Variants in SLC9A6 observed in about 807,000 individuals in gnomAD.
SLC9A6 encodes solute carrier family 9 member A6, also known as sodium/hydrogen exchanger 6.
A neutral mutation model predicts 45.3 loss-of-function variants in SLC9A6; 6 were observed. The ratio of observed to expected loss-of-function variants is 0.13; its 90% CI spans 0.07 to 0.26. The LOEUF (loss-of-function observed/expected upper bound fraction) is 0.26. Among genes scored for constraint, SLC9A6 ranks in the 10% least tolerant of loss-of-function variants. The pLI is 1.00. For synonymous variants in SLC9A6, 191 were observed against 187.7 expected (o/e 1.02, Z -0.14); for missense variants, 278 against 503.7 (o/e 0.55, Z 4.29).
chrX:136,035,666 G>A (rs371395817), intron 16 of SLC9A6, among the ~76,000 whole-genome samples: 2 of 111,834 alleles, frequency 1.8e-5, no homozygotes, highest in South Asian at 7.4e-4. Flanking sequence ...GGTGGACATA[G>A]CACTCATTTC....
At chrX:136,027,320 C>T (rs932800233) in intron 13 of SLC9A6, among the ~76,000 whole-genome samples, 2 of 111,496 alleles carry the variant, frequency 1.8e-5, no homozygotes, top group South Asian at 3.8e-4. Context: ...GTCTTACCTA[C>T]GTGACTAGAT....
At position 136,045,276 on chromosome X, in the gene SLC9A6, T is replaced by C. The variant is rs149580711; in HGVS notation, c.*552T>C. The C allele has an allele frequency of 1.0e-4, 12 of 116,733 alleles. No individual in the cohort carries two copies. The East Asian group carries it at 2.9e-3, about 29-fold the overall frequency. 9.6% of individuals were successfully genotyped at this position (116,733 alleles called of 1,213,427 possible). ...GGCATTTGATCTTGCCCCATTCAGG[T>C]TGGGGAGTGAAGTGTGAGGACCCTT... On this transcript the variant is annotated 3_prime_UTR_variant, in exon 18 of 18. Coordinates refer to ENST00000630721, the MANE Select transcript of SLC9A6 (RefSeq NM_001379110.1).
intron 16 of SLC9A6, among the ~76,000 whole-genome samples, chrX:136,034,082 G>A: frequency 9.1e-6 from 1 of 110,078 alleles, no homozygotes; most frequent in Admixed American, 9.7e-5. Context: ...GAGTAGTGTT[G>A]ATATTCTATA....
intron 1 of SLC9A6, among the ~76,000 whole-genome samples, chrX:135,975,889 A>C (rs1046131542): frequency 1.5e-4 from 15 of 102,547 alleles, no homozygotes; most frequent in South Asian, 4.9e-4. Context: ...AAGAAGGAGG[A>C]TTGCTTGATC....
At chrX:136,040,251 G>C (rs886193328) in intron 17 of SLC9A6, 70 bp downstream of exon 17, 2 of 777,951 alleles carry the variant, frequency 2.6e-6, no homozygotes, top group Non-Finnish European at 3.8e-6. Flanking sequence ...ATGAGTCACT[G>C]GTTTTATTTT....
intron 2 of SLC9A6, among the ~76,000 whole-genome samples, chrX:135,988,311 C>A (rs1275471769): frequency 3.6e-5 from 4 of 111,626 alleles, no homozygotes; most frequent in African/African-American, 1.3e-4. Context: ...TTAGCCTGTC[C>A]TATTTTCTCA....
In SLC9A6 at chrX:135,985,724, G is replaced by C; in HGVS notation, c.66G>C (p.Leu22=). 1.7e-6 allele frequency: 2 copies of C among 1,211,798 alleles called. No homozygotes were observed. The highest frequency in any genetic ancestry group is 2.2e-6 in the Non-Finnish European group (2 of 895,488). ...EESHRQDSAN[L]LIFILLLTLT... ...GCCACCGGCAGGACAGCGCCAACCT[G>C]CTCATCTTCATCCTGCTGCTCACCC... is the stretch of plus-strand genomic sequence containing the variant. The change falls in exon 2 of 18, where the codon CTG becomes CTC. Residue 22 remains leucine, a synonymous_variant. Coordinates refer to ENST00000630721, the MANE Select transcript of SLC9A6 (RefSeq NM_001379110.1).
At chrX:136,001,918 G>T (rs1184796318) in intron 6 of SLC9A6, among the ~76,000 whole-genome samples, 190 bp from the exon 7 acceptor site, 13 of 111,976 alleles carry the variant, frequency 1.2e-4, no homozygotes, top group African/African-American at 3.9e-4. Context: ...AGAAGTTTGT[G>T]CAGGTACACA....
chrX:136,040,077 T>A lies in SLC9A6; in HGVS notation c.1663T>A (p.Tyr555Asn). 1.7e-6 allele frequency: 2 copies of A among 1,204,634 alleles called. No homozygotes were observed. Among genetic ancestry groups the A allele is most frequent in the Non-Finnish European group, 2.2e-6 (2 of 889,221 alleles). The stretch of plus-strand genomic sequence containing the variant: ...ACAGCTCTTCCTTAACCACCGCAGC[T>A]ATCTGAAGCCTCTGCTGACCCACAG... Reference protein sequence around the residue: ...FRMWYNFDHNYLKPLLTHSGP... With the variant: ...FRMWYNFDHNNLKPLLTHSGP... The change falls in exon 17 of 18, where the codon TAT becomes AAT. Residue 555 changes from tyrosine to asparagine, a missense_variant and splice_region_variant. Physicochemically the swap from Tyr to Asn is moderately radical, Grantham distance 143. Transcript: ENST00000630721.
chrX:135,980,349 G>C (rs931042274), upstream of SLC9A6, among the ~76,000 whole-genome samples: 10 of 109,221 alleles, frequency 9.2e-5, no homozygotes, highest in Admixed American at 3.0e-4. Context: ...ACCAATACAT[G>C]AATTATTTAA....
At chrX:135,996,023 CTT>C (rs1167208674) in intron 3 of SLC9A6, among the ~76,000 whole-genome samples, 229 of 55,318 alleles carry the variant, frequency 4.1e-3, no homozygotes, top group Middle Eastern at 0.014. Context: ...CAGGACTTGA[CTT>C]TTTTTTTTTT....
chrX:135,977,175 G>T (rs2089266861), intron 1 of SLC9A6, among the ~76,000 whole-genome samples: 1 of 112,147 alleles, frequency 8.9e-6, no homozygotes. Context: ...ATGAGAAAGT[G>T]CATTTAAATT....
intron 13 of SLC9A6, among the ~76,000 whole-genome samples, chrX:136,028,396 G>A: frequency 1.8e-5 from 2 of 111,933 alleles, no homozygotes; most frequent in East Asian, 5.6e-4. Context: ...TAGTTGTGTT[G>A]GTTTCCCCCA....
upstream of SLC9A6, chrX:135,985,109 G>A (rs2089310286): frequency 7.7e-6 from 1 of 129,448 alleles, no homozygotes; most frequent in African/African-American, 3.2e-5. Flanking sequence ...ATCCTGTTAA[G>A]AGACACTGGG....
intron 12 of SLC9A6, among the ~76,000 whole-genome samples, chrX:136,023,165 A>ATGTATATG (rs1306268664): frequency 0.014 from 17 of 1,190 alleles, no homozygotes; most frequent in African/African-American, 0.027. Flanking sequence ...AAGAAAATGT[A>ATGTATATG]TATATATATA....
chrX:136,017,466 G>A (rs1342493892), intron 11 of SLC9A6, among the ~76,000 whole-genome samples: 1 of 109,943 alleles, frequency 9.1e-6, no homozygotes, highest in Non-Finnish European at 1.9e-5. Flanking sequence ...GGAAGAAACT[G>A]AGTATATGAA....
chrX:135,973,899 C>G (rs1569523467), upstream of SLC9A6: 1 of 1,149,990 alleles, frequency 8.7e-7, no homozygotes, highest in Non-Finnish European at 1.2e-6. Flanking sequence ...AACCCACGAA[C>G]CTGCGCTATG....
chrX:136,042,205 C>T (rs935034497), intron 17 of SLC9A6, among the ~76,000 whole-genome samples: 40 of 107,439 alleles, frequency 3.7e-4, no homozygotes, highest in African/African-American at 1.4e-3. Context: ...GACAGAGTCT[C>T]ACTCTGTCAC....
intron 17 of SLC9A6, among the ~76,000 whole-genome samples, chrX:136,042,254 A>T (rs1556622766): frequency 9.2e-6 from 1 of 108,876 alleles, no homozygotes; most frequent in African/African-American, 3.4e-5. Context: ...GGCTCACTGC[A>T]ACCTCTACCT....
Sources: gnomAD v4.1 joint callset for allele counts (sites outside exome capture counted in the v4.1 genomes callset) on GRCh38, gnomAD v4.1.1 for gene constraint, MANE v1.5 for transcripts, NCBI Gene and HGNC (gene_info 2026-07-23, HGNC 2026-07-21) for gene names.